The following RARB variants were observed in gnomAD, a reference collection of about 807,000 sequenced individuals.
RARB encodes the protein HBV-activated protein.
A neutral mutation model predicts 51.9 loss-of-function variants in RARB; 17 were observed. The ratio of observed to expected loss-of-function variants is 0.33; its 90% CI spans 0.22 to 0.49. RARB has a LOEUF of 0.49. Among genes scored for constraint, RARB ranks in the 20% least tolerant of loss-of-function variants. The pLI is 0.99. For synonymous variants in RARB, 215 were observed against 195.4 expected, an observed-to-expected ratio of 1.10 and a Z score of -0.84; for missense variants, 369 against 550.8, an observed-to-expected ratio of 0.67 and a Z score of 3.30.
chr3:25,094,737 A>AAAAAAAAAAAAAT, intron 3 of RARB, among the ~76,000 whole-genome samples: 1 of 149,546 alleles, frequency 6.7e-6, no homozygotes, highest in African/African-American at 2.5e-5. Flanking sequence ...AAAAAAAAAA[A>AAAAAAAAAAAAAT]AAAAGGAAAC....
chr3:25,462,571 A>T (rs940106592), intron 2 of RARB: 1 of 152,242 alleles, frequency 6.6e-6, no homozygotes, highest in South Asian at 2.1e-4. Context: ...AACTGTATAT[A>T]TTGGTCAGGC....
intron 2 of RARB, chr3:24,858,781 C>T (rs1388340502): frequency 6.6e-6 from 1 of 151,938 alleles, no homozygotes; most frequent in Non-Finnish European, 1.5e-5. Context: ...CTTTTAAGTT[C>T]TCTAATACTT....
chr3:25,361,363 C>CTAG (rs1553607462), intron 5 of RARB, among the ~76,000 whole-genome samples: 1 of 152,184 alleles, frequency 6.6e-6, no homozygotes, highest in African/African-American at 2.4e-5. Flanking sequence ...ACTGGTTATT[C>CTAG]TAGTTAGCAA....
intron 5 of RARB, among the ~76,000 whole-genome samples, chr3:25,199,124 A>G (rs951816158): frequency 2.0e-5 from 3 of 152,168 alleles, no homozygotes; most frequent in South Asian, 2.1e-4. Flanking sequence ...ATGAAAAACA[A>G]TGAGATCCTG....
At chr3:25,088,618 G>C (rs558702835) in intron 3 of RARB, among the ~76,000 whole-genome samples, 17 of 152,082 alleles carry the variant, frequency 1.1e-4, no homozygotes, top group Non-Finnish European at 1.9e-4. Context: ...TGAAAGTAAA[G>C]AAAACAAAAG....
intron 3 of RARB, among the ~76,000 whole-genome samples, chr3:25,082,683 GC>G (rs1355387174): frequency 4.6e-5 from 7 of 151,904 alleles, no homozygotes; most frequent in African/African-American, 1.7e-4. Flanking sequence ...AAATTAAGAA[GC>G]AAAAAATATT....
In RARB at chr3:25,032,067, C is replaced by T. The variant is rs150244974; in HGVS notation, c.-379-28058C>T. Among the ~76,000 whole-genome samples, 9 of 152,218 alleles carry T rather than the reference C, an allele frequency of 5.9e-5. No individual in the cohort carries two copies. The East Asian group carries it at 1.7e-3, about 29-fold the overall frequency. On this transcript the variant is annotated intron_variant, in intron 2 of 11. Transcript: ENST00000383772. ...CCATCTGCTAAGCCTGTAATCAAGA[C>T]ATAACATATCCATTGAGCTAAAATT...
intron 5 of RARB, among the ~76,000 whole-genome samples, chr3:25,352,671 T>C (rs1334304841): frequency 6.6e-6 from 1 of 152,216 alleles, no homozygotes; most frequent in African/African-American, 2.4e-5. Context: ...ACCTATATCA[T>C]GTCAGCAGGA....
At chr3:24,898,684 G>C (rs2363516) in intron 2 of RARB, among the ~76,000 whole-genome samples, 1 of 152,002 alleles carries the variant, frequency 6.6e-6, no homozygotes, top group Admixed American at 6.5e-5. Flanking sequence ...ATTCTAATCA[G>C]CTCTATTTTC....
intron 2 of RARB, among the ~76,000 whole-genome samples, chr3:24,901,567 A>G (rs1703606787): frequency 6.6e-6 from 1 of 152,230 alleles, no homozygotes; most frequent in South Asian, 2.1e-4. Context: ...TAAAAATGTA[A>G]CTATATCATT....
At chr3:25,395,242 G>A (rs1006641344) in intron 5 of RARB, among the ~76,000 whole-genome samples, 6 of 152,146 alleles carry the variant, frequency 3.9e-5, no homozygotes, top group African/African-American at 1.4e-4. Context: ...AATCCCTTGT[G>A]GCTTGAAGGG....
rs565898948 is a variant in RARB, at chr3:25,295,779, A to G, written c.178+121204A>G. Among the ~76,000 whole-genome samples, 6 of 152,330 alleles carry G rather than the reference A, an allele frequency of 3.9e-5. No individual in the cohort carries two copies. In the South Asian group the frequency reaches 1.2e-3, roughly 32 times the overall value. On this transcript the variant is annotated intron_variant, in intron 5 of 11. Coordinates refer to the RARB transcript ENST00000383772. ...GTTTTGACTAAGACACTCACATGCTAGATAATGAATACCAATCTAAATGTA... is the reference window on the plus strand; with the variant it reads ...GTTTTGACTAAGACACTCACATGCTGGATAATGAATACCAATCTAAATGTA...
At chr3:25,279,572 G>A (rs111798946) in intron 5 of RARB, among the ~76,000 whole-genome samples, 1 of 150,612 alleles carries the variant, frequency 6.6e-6, no homozygotes, top group Admixed American at 6.6e-5. Flanking sequence ...AGTTACTACT[G>A]ATCTATTAAA....
intron 4 of RARB, among the ~76,000 whole-genome samples, chr3:25,159,330 T>A (rs1700435702): frequency 6.6e-6 from 1 of 151,180 alleles, no homozygotes; most frequent in South Asian, 2.1e-4. Context: ...CCACCACACC[T>A]GGCTAATTTT....
intron 5 of RARB, among the ~76,000 whole-genome samples, chr3:25,341,837 T>C (rs1705237603): frequency 6.6e-6 from 1 of 152,162 alleles, no homozygotes; most frequent in South Asian, 2.1e-4. Context: ...GGCCCTGGTT[T>C]CGTTGAGCCT....
chr3:25,391,252 AT>A (rs1706947363), intron 5 of RARB, among the ~76,000 whole-genome samples: 1 of 152,112 alleles, frequency 6.6e-6, no homozygotes, highest in African/African-American at 2.4e-5. Flanking sequence ...GCTGAGTAGT[AT>A]TCCATGGTAT....
chr3:25,484,534 T>C (rs1393213168), intron 2 of RARB, among the ~76,000 whole-genome samples: 3 of 152,114 alleles, frequency 2.0e-5, no homozygotes, highest in South Asian at 4.1e-4. Flanking sequence ...CCTGTTTTTG[T>C]ATGGCCAAGA....
At chr3:25,284,894 C>T (rs1354508032) in intron 5 of RARB, among the ~76,000 whole-genome samples, 3 of 152,152 alleles carry the variant, frequency 2.0e-5, no homozygotes, top group African/African-American at 7.2e-5. Flanking sequence ...TGAGTCTGCA[C>T]AGACTTTGGT....
chr3:25,257,367 G>A (rs566479094), intron 5 of RARB, among the ~76,000 whole-genome samples: 14 of 152,104 alleles, frequency 9.2e-5, no homozygotes, highest in South Asian at 4.1e-4. Context: ...AGAAAAACAC[G>A]TATGAACAGG....
Sources: allele counts gnomAD v4.1 joint callset (sites outside exome capture counted in the v4.1 genomes callset), GRCh38; gene constraint gnomAD v4.1.1; transcripts MANE v1.5; gene names NCBI Gene and HGNC (gene_info 2026-07-23, HGNC 2026-07-21).